Variants in GRIK3 observed in about 807,000 individuals in gnomAD.
GRIK3 encodes glutamate receptor ionotropic, kainate 3.
In GRIK3, 29 loss-of-function variants were observed where a neutral mutation model predicts 102.5. The observed-to-expected ratio is 0.28, with a 90% CI of 0.21 to 0.39. The LOEUF is 0.39. Ranked by LOEUF, GRIK3 falls within the 10% of genes least tolerant of loss-of-function variation. GRIK3 has a pLI of 1.00. For missense variants in GRIK3, 908 were observed against 1,252.4 expected (o/e 0.73, Z 4.15); for synonymous variants, 511 against 504.9 (o/e 1.01, Z -0.16).
intron 1 of GRIK3, among the ~76,000 whole-genome samples, chr1:36,937,880 C>A (rs1450724308): frequency 2.6e-5 from 4 of 152,196 alleles, no homozygotes; most frequent in Non-Finnish European, 4.4e-5. Context: ...TAACTAATGG[C>A]CAAACTGCAT....
chr1:36,882,063 T>C (rs1174522697), intron 2 of GRIK3, among the ~76,000 whole-genome samples: 2 of 152,134 alleles, frequency 1.3e-5, no homozygotes, highest in African/African-American at 2.4e-5. Context: ...GCACAATTTA[T>C]AATCACAATC....
intron 1 of GRIK3, among the ~76,000 whole-genome samples, chr1:37,019,096 A>T (rs1483232682): frequency 6.6e-6 from 1 of 152,218 alleles, no homozygotes; most frequent in African/African-American, 2.4e-5. Flanking sequence ...TTTCCTCACC[A>T]GAGGAGACAG....
chr1:36,879,825 C>G (rs1640946643), intron 3 of GRIK3, among the ~76,000 whole-genome samples: 2 of 152,212 alleles, frequency 1.3e-5, no homozygotes, highest in Non-Finnish European at 2.9e-5. Flanking sequence ...GCCACGGGCC[C>G]CAGAGCCCAT....
chr1:36,807,237 T>C (rs1439402428), intron 13 of GRIK3, among the ~76,000 whole-genome samples: 1 of 152,092 alleles, frequency 6.6e-6, no homozygotes, highest in African/African-American at 2.4e-5. Context: ...GAGAGGTCAC[T>C]GGGGCCAGGA....
chr1:36,899,485 A>C (rs1641209422), intron 1 of GRIK3, among the ~76,000 whole-genome samples: 1 of 152,186 alleles, frequency 6.6e-6, no homozygotes, highest in Non-Finnish European at 1.5e-5. Context: ...TCAGAGAATC[A>C]AAAAATAGAA....
intron 1 of GRIK3, among the ~76,000 whole-genome samples, chr1:36,964,563 T>C (rs1201307372): frequency 2.0e-5 from 3 of 152,234 alleles, no homozygotes; most frequent in Admixed American, 6.5e-5. Flanking sequence ...TACTTTCTCA[T>C]GTTCATCTTT....
intron 9 of GRIK3, among the ~76,000 whole-genome samples, chr1:36,843,818 C>T (rs1640489078): frequency 6.6e-6 from 1 of 152,226 alleles, no homozygotes; most frequent in Admixed American, 6.5e-5. Flanking sequence ...CCTTCAGTGG[C>T]TGTGTGACCA....
intron 1 of GRIK3, among the ~76,000 whole-genome samples, chr1:36,943,161 G>T (rs1641745779): frequency 6.8e-6 from 1 of 147,422 alleles, no homozygotes; most frequent in Non-Finnish European, 1.5e-5. Flanking sequence ...AAACAGAGGA[G>T]ACTGGACTAG....
At chr1:36,957,453 C>CTA (rs1641928511) in intron 1 of GRIK3, among the ~76,000 whole-genome samples, 2 of 125,852 alleles carry the variant, frequency 1.6e-5, no homozygotes, top group Non-Finnish European at 3.6e-5. Context: ...AGTCTGTGCC[C>CTA]TGTGAGCCTA....
intron 1 of GRIK3, among the ~76,000 whole-genome samples, chr1:36,894,376 C>A (rs1371026238): frequency 6.6e-6 from 1 of 152,132 alleles, no homozygotes; most frequent in Non-Finnish European, 1.5e-5. Flanking sequence ...TATAGACGTA[C>A]CACATTTTAT....
At chr1:36,912,437 C>A (rs570913876) in intron 1 of GRIK3, among the ~76,000 whole-genome samples, 5 of 152,076 alleles carry the variant, frequency 3.3e-5, no homozygotes, top group African/African-American at 1.2e-4. Flanking sequence ...CTCCTCCCCC[C>A]TCTGCTGCCC....
At chr1:36,917,140 A>T (rs933389440) in intron 1 of GRIK3, among the ~76,000 whole-genome samples, 4 of 152,280 alleles carry the variant, frequency 2.6e-5, no homozygotes, top group Admixed American at 2.0e-4. Flanking sequence ...GAGCTTTAAG[A>T]TTTGAGTGCC....
chr1:36,808,302 A>G (rs899373429), intron 13 of GRIK3, among the ~76,000 whole-genome samples: 2 of 152,250 alleles, frequency 1.3e-5, no homozygotes, highest in African/African-American at 4.8e-5. Flanking sequence ...TGGCTCCTAC[A>G]GATCCCCATT....
intron 1 of GRIK3, among the ~76,000 whole-genome samples, chr1:36,981,714 T>C (rs1463235936): frequency 2.0e-5 from 3 of 152,142 alleles, no homozygotes; most frequent in Non-Finnish European, 4.4e-5. Flanking sequence ...TGTGTCTCTT[T>C]ATTACTCTTG....
chr1:36,966,283 G>A (rs1018540905), intron 1 of GRIK3, among the ~76,000 whole-genome samples: 2 of 152,210 alleles, frequency 1.3e-5, no homozygotes, highest in African/African-American at 4.8e-5. Context: ...GCTGGACATG[G>A]GACCAGACAG....
intron 5 of GRIK3, among the ~76,000 whole-genome samples, chr1:36,864,386 C>T (rs565537): frequency 0.031 from 4,708 of 152,300 alleles, 221 homozygotes; most frequent in East Asian, 0.13. Flanking sequence ...CTACAGGGGG[C>T]GCCCTCCTCA....
intron 13 of GRIK3, among the ~76,000 whole-genome samples, chr1:36,812,594 T>G (rs1028855186): frequency 2.0e-5 from 3 of 152,070 alleles, no homozygotes; most frequent in Non-Finnish European, 4.4e-5. Context: ...AGACGCTGTT[T>G]GTGATGTCTG....
chr1:36,939,267 A>G (rs565803758), intron 1 of GRIK3, among the ~76,000 whole-genome samples: 1 of 152,380 alleles, frequency 6.6e-6, no homozygotes, highest in South Asian at 2.1e-4. Context: ...ACATCAGAAC[A>G]GCAGCCTTTC....
Position 36,850,245 on chromosome 1 carries a change from C to G in GRIK3, c.1326+66G>C. 2 of 991,912 alleles carry G rather than the reference C, an allele frequency of 2.0e-6. No individual in the cohort carries two copies. Among genetic ancestry groups the G allele is most frequent in the South Asian group, 2.6e-5 (2 of 78,086 alleles). 61.4% of individuals were successfully genotyped at this position (991,912 alleles called of 1,614,324 possible). On this transcript the variant is annotated intron_variant, in intron 9 of 15. Transcript: ENST00000373091. The surrounding 1 kb of genome is among the most constrained non-coding windows in gnomAD (Gnocchi z 4.0). ...GGGTGGGGGGGATAGAGGGGACTCT[C>G]CAGCCCGAACGGCCACCCCACCCCC... is the stretch of plus-strand genomic sequence containing the variant.
Sources: allele counts gnomAD v4.1 joint callset (sites outside exome capture counted in the v4.1 genomes callset), GRCh38; gene constraint gnomAD v4.1.1; non-coding constraint Gnocchi (gnomAD v3.1); transcripts MANE v1.5; gene names NCBI Gene and HGNC (gene_info 2026-07-23, HGNC 2026-07-21).